The following INPP4B variants were observed in gnomAD, a reference collection of about 807,000 sequenced individuals.
The protein encoded by INPP4B is inositol polyphosphate 4-phosphatase type II.
A neutral mutation model predicts 122.5 loss-of-function variants in INPP4B; 55 were observed. The observed-to-expected ratio is 0.45, with a 90% CI of 0.36 to 0.56. The LOEUF is 0.56. INPP4B is among the 20% of genes least tolerant of loss of function. INPP4B has a pLI of 0.00. For synonymous variants in INPP4B, 403 were observed against 388.7 expected (o/e 1.04, Z -0.43); for missense variants, 1,000 against 1,097.7 (o/e 0.91, Z 1.26).
intron 3 of INPP4B, among the ~76,000 whole-genome samples, chr4:142,457,272 A>G (rs1815657562): frequency 6.6e-6 from 1 of 152,124 alleles, no homozygotes; most frequent in Non-Finnish European, 1.5e-5. Flanking sequence ...AAAGAAAACC[A>G]TTTGTAAAAT....
chr4:142,114,954 A>G lies in INPP4B; in HGVS notation c.2136-2272T>C, dbSNP rs1792297094. 5.3e-5 allele frequency among the ~76,000 whole-genome samples: 8 copies of G among 152,226 alleles called. No individual in the cohort carries two copies. In the South Asian group the frequency reaches 1.5e-3, roughly 28 times the overall value. ...TGGTTAACTAGAATAAACAGTATAG[A>G]GAAGACCTTAAATGACCTGATGGAG... On this transcript the variant is annotated intron_variant, in intron 21 of 25. Coordinates refer to ENST00000262992, the MANE Select transcript of INPP4B (RefSeq NM_001101669.3).
chr4:142,379,199 CA>C (rs1409163615), intron 7 of INPP4B, among the ~76,000 whole-genome samples: 1 of 152,062 alleles, frequency 6.6e-6, no homozygotes, highest in Non-Finnish European at 1.5e-5. Context: ...TAGGGCTTTC[CA>C]AAAGCTGCTG....
chr4:142,715,469 T>C (rs1163071105), intron 2 of INPP4B, among the ~76,000 whole-genome samples: 2 of 152,216 alleles, frequency 1.3e-5, no homozygotes, highest in African/African-American at 4.8e-5. Flanking sequence ...AGCTTTTTAA[T>C]AGGGGGCATA....
chr4:142,154,590 G>C (rs2152882086), intron 17 of INPP4B, among the ~76,000 whole-genome samples: 1 of 152,188 alleles, frequency 6.6e-6, no homozygotes, highest in East Asian at 1.9e-4. Flanking sequence ...TGGGAAGTAA[G>C]AACCAAGAAG....
At chr4:142,750,292 G>C (rs888119112) in intron 1 of INPP4B, among the ~76,000 whole-genome samples, 1 of 151,996 alleles carries the variant, frequency 6.6e-6, no homozygotes, top group Non-Finnish European at 1.5e-5. Flanking sequence ...CAAAGCAGAT[G>C]AACTAATGAT....
At chr4:142,222,738 C>T (rs924350446) in intron 12 of INPP4B, among the ~76,000 whole-genome samples, 8 of 152,206 alleles carry the variant, frequency 5.3e-5, no homozygotes, top group African/African-American at 1.9e-4. Flanking sequence ...GGACAGATGG[C>T]ATGCCCTGTC....
chr4:142,532,173 G>A (rs1003982270), intron 2 of INPP4B, among the ~76,000 whole-genome samples: 7 of 152,044 alleles, frequency 4.6e-5, no homozygotes, highest in African/African-American at 1.4e-4. Context: ...ACTTTCAAAG[G>A]ATTCCAGTTG....
At chr4:142,718,272 G>T (rs1369213153) in intron 2 of INPP4B, among the ~76,000 whole-genome samples, 1 of 152,182 alleles carries the variant, frequency 6.6e-6, no homozygotes, top group Non-Finnish European at 1.5e-5. Context: ...TGAACATGTT[G>T]AGAAGAAATG....
intron 2 of INPP4B, among the ~76,000 whole-genome samples, chr4:142,628,114 A>T (rs1017316642): frequency 6.6e-6 from 1 of 151,668 alleles, no homozygotes; most frequent in East Asian, 1.9e-4. Flanking sequence ...ATGCACACGT[A>T]TGTTTATTGC....
intron 3 of INPP4B, among the ~76,000 whole-genome samples, chr4:142,462,091 C>A (rs1188881065): frequency 6.6e-6 from 1 of 151,694 alleles, no homozygotes; most frequent in African/African-American, 2.4e-5. Flanking sequence ...CATTTATTTT[C>A]TTTGTTCCAT....
At chr4:142,539,369 C>A (rs968613024) in intron 2 of INPP4B, among the ~76,000 whole-genome samples, 1 of 151,808 alleles carries the variant, frequency 6.6e-6, no homozygotes, top group African/African-American at 2.4e-5. Flanking sequence ...GTCAACCAAC[C>A]CATCAATTAG....
intron 7 of INPP4B, among the ~76,000 whole-genome samples, chr4:142,342,150 G>A (rs891615549): frequency 1.3e-5 from 2 of 151,970 alleles, no homozygotes; most frequent in African/African-American, 4.8e-5. Context: ...GAGTAGTTGC[G>A]AGCATTTAAA....
At chr4:142,460,246 A>G (rs1004024376) in intron 3 of INPP4B, among the ~76,000 whole-genome samples, 1 of 152,236 alleles carries the variant, frequency 6.6e-6, no homozygotes, top group Non-Finnish European at 1.5e-5. Flanking sequence ...ACTAGAAACA[A>G]GTAAAGCAGC....
intron 18 of INPP4B, among the ~76,000 whole-genome samples, chr4:142,142,199 A>G (rs906423623): frequency 2.6e-5 from 4 of 152,124 alleles, no homozygotes; most frequent in African/African-American, 9.6e-5. Context: ...GCTGGGATAA[A>G]TTTGGGACTA....
intron 1 of INPP4B, among the ~76,000 whole-genome samples, chr4:142,803,649 TA>T (rs34262906): frequency 0.032 from 4,384 of 138,940 alleles, 72 homozygotes; most frequent in Middle Eastern, 0.056. Context: ...CAATAAAACT[TA>T]AAAAAAAAAA....
intron 2 of INPP4B, among the ~76,000 whole-genome samples, chr4:142,517,468 A>G (rs551568872): frequency 2.3e-4 from 35 of 152,284 alleles, no homozygotes; most frequent in Admixed American, 9.2e-4. Flanking sequence ...GCTTCCCGGA[A>G]CTGGGTAGTA....
At chr4:142,619,395 A>G (rs1744401155) in intron 2 of INPP4B, among the ~76,000 whole-genome samples, 1 of 152,118 alleles carries the variant, frequency 6.6e-6, no homozygotes, top group South Asian at 2.1e-4. Context: ...ACAATGGAAT[A>G]TGATTCAGCC....
chr4:142,270,831 T>C (rs1356778308), intron 9 of INPP4B, 57 bp from the exon 10 acceptor site: 17 of 1,111,806 alleles, frequency 1.5e-5, no homozygotes, highest in Non-Finnish European at 2.3e-5. Flanking sequence ...CCCCCAAAAA[T>C]ATCCAAAACA....
chr4:142,232,628 C>T (rs1412979429), intron 12 of INPP4B, among the ~76,000 whole-genome samples: 2 of 151,824 alleles, frequency 1.3e-5, no homozygotes, highest in Admixed American at 1.3e-4. Flanking sequence ...AATCTATAAC[C>T]CTACAATGGC....
Sources: allele counts gnomAD v4.1 joint callset (sites outside exome capture counted in the v4.1 genomes callset), GRCh38; gene constraint gnomAD v4.1.1; transcripts MANE v1.5; gene names NCBI Gene and HGNC (gene_info 2026-07-23, HGNC 2026-07-21).